Variants in DAB1 observed in about 807,000 individuals in gnomAD.
DAB1 encodes disabled homolog 1.
DAB1 carries 15 observed loss-of-function variants against 64.6 expected under a neutral mutation model. The ratio of observed to expected loss-of-function variants is 0.23; its 90% confidence interval spans 0.16 to 0.36. The LOEUF (loss-of-function observed/expected upper bound fraction) is 0.36, where lower values mean the gene tolerates loss of function less well. Among genes scored for constraint, DAB1 ranks in the 10% least tolerant of loss-of-function variants. The pLI is 1.00. For missense variants in DAB1, 596 were observed against 706.7 expected (o/e 0.84, Z 1.78); for synonymous variants, 235 against 251.9 (o/e 0.93, Z 0.64).
intron 1 of DAB1, among the ~76,000 whole-genome samples, chr1:57,852,342 T>C (rs962393242): frequency 2.6e-5 from 4 of 152,212 alleles, no homozygotes; most frequent in African/African-American, 4.8e-5. Context: ...TTTACATGAC[T>C]GTCTATTCTT....
intron 4 of DAB1, among the ~76,000 whole-genome samples, chr1:58,187,131 T>C (rs1004787020): frequency 1.3e-5 from 2 of 152,150 alleles, no homozygotes; most frequent in East Asian, 1.9e-4. Context: ...GTCCCAAACA[T>C]AGTCAGTGAT....
chr1:57,168,188 A>T (rs1486138972), intron 2 of DAB1, among the ~76,000 whole-genome samples: 4 of 152,346 alleles, frequency 2.6e-5, no homozygotes, highest in East Asian at 3.9e-4. Context: ...GTGTATTCTT[A>T]CGTCATTCCA....
chr1:58,261,710 TTTTG>T (rs2100417930), intron 4 of DAB1, among the ~76,000 whole-genome samples: 1 of 137,958 alleles, frequency 7.2e-6, no homozygotes, highest in Admixed American at 7.0e-5. Context: ...CAATTTGTTT[TTTTG>T]TTTTTGTTTT....
Position 58,527,346 on chromosome 1 carries a change from A to G in DAB1, n.33-11T>C. On this transcript the variant is annotated splice_polypyrimidine_tract_variant and intron_variant and non_coding_transcript_variant, in intron 1 of 20. Coordinates refer to the DAB1 transcript ENST00000485760. ...TCTATTAAACATATACTAAGAAGAA[A>G]TGACAGAAAAGCTCCATTAAGACAA... is the stretch of plus-strand genomic sequence containing the variant. 3.4e-6 allele frequency: 3 copies of G among 870,928 alleles called. No individual in the cohort carries two copies. In the South Asian group the frequency reaches 3.9e-5, roughly 11 times the overall value. 54.0% of individuals were successfully genotyped at this position (870,928 alleles called of 1,614,324 possible).
Position 58,239,665 on chromosome 1 carries a change from C to G in DAB1, n.310-89077G>C, listed in dbSNP as rs1052679594. Among the ~76,000 whole-genome samples, 10 of 152,238 alleles carry G rather than the reference C, an allele frequency of 6.6e-5. No individual in the cohort carries two copies. The South Asian group carries it at 1.9e-3, about 28-fold the overall frequency. ...AGGTCATAATCTCAAACCTTCAGCTCGCTTATATTATTTGCAGGGGGCTGA... is the reference window on the plus strand; with the variant it reads ...AGGTCATAATCTCAAACCTTCAGCTGGCTTATATTATTTGCAGGGGGCTGA... On this transcript the variant is annotated intron_variant and non_coding_transcript_variant, in intron 4 of 20. Transcript: ENST00000485760.
intron 6 of DAB1, among the ~76,000 whole-genome samples, chr1:57,717,721 T>C (rs888639940): frequency 5.9e-5 from 9 of 152,084 alleles, no homozygotes; most frequent in African/African-American, 2.2e-4. Context: ...TATATAAATA[T>C]ACATATTTAT....
chr1:58,408,057 TC>T (rs1644633773), intron 3 of DAB1, among the ~76,000 whole-genome samples: 1 of 152,146 alleles, frequency 6.6e-6, no homozygotes, highest in African/African-American at 2.4e-5. Context: ...ACCAGCAGCC[TC>T]AGCATCGCCT....
intron 5 of DAB1, among the ~76,000 whole-genome samples, chr1:58,103,817 A>C (rs1159026765): frequency 6.6e-6 from 1 of 152,086 alleles, no homozygotes. Flanking sequence ...TCCTTGGGCC[A>C]GTCTTTTTGT....
intron 1 of DAB1, among the ~76,000 whole-genome samples, chr1:57,326,459 T>C (rs2100781407): frequency 6.6e-6 from 1 of 152,276 alleles, no homozygotes; most frequent in Admixed American, 6.5e-5. Context: ...AAACACCCTC[T>C]CCACTGCAGG....
At chr1:58,228,062 A>G (rs1659582702) in intron 4 of DAB1, among the ~76,000 whole-genome samples, 1 of 152,342 alleles carries the variant, frequency 6.6e-6, no homozygotes, top group African/African-American at 2.4e-5. Flanking sequence ...GACTTGGTCC[A>G]TTATCTGGGA....
At chr1:57,006,973 G>A (rs1318421503) in intron 14 of DAB1, among the ~76,000 whole-genome samples, 1 of 152,064 alleles carries the variant, frequency 6.6e-6, no homozygotes, top group South Asian at 2.1e-4. Context: ...CTGACTCTGT[G>A]TTTTGTTTCT....
intron 5 of DAB1, among the ~76,000 whole-genome samples, chr1:57,891,608 C>T (rs1048009377): frequency 2.0e-5 from 3 of 152,134 alleles, no homozygotes; most frequent in Admixed American, 6.5e-5. Context: ...GGAACCAACC[C>T]AAATGCCCAT....
At chr1:58,363,202 A>G (rs1046792587) in intron 3 of DAB1, among the ~76,000 whole-genome samples, 5 of 152,212 alleles carry the variant, frequency 3.3e-5, no homozygotes, top group Admixed American at 3.3e-4. Flanking sequence ...TTGGGAGCAC[A>G]GTTTAACCCA....
chr1:57,311,083 T>C (rs933575018), intron 1 of DAB1, among the ~76,000 whole-genome samples: 1 of 152,138 alleles, frequency 6.6e-6, no homozygotes, highest in South Asian at 2.1e-4. Context: ...AAAATGTCTT[T>C]GTGACCCCAA....
At chr1:57,886,188 C>T (rs978584243), upstream of DAB1, among the ~76,000 whole-genome samples, 2 of 135,422 alleles carry the variant, frequency 1.5e-5, no homozygotes, top group African/African-American at 2.8e-5. Context: ...TTTTTTGAGA[C>T]GAAGTCTCCC....
chr1:57,126,884 C>T (rs1261592496), intron 4 of DAB1, among the ~76,000 whole-genome samples: 1 of 152,196 alleles, frequency 6.6e-6, no homozygotes, highest in Non-Finnish European at 1.5e-5. Context: ...ACTCTCCCCA[C>T]TAAAAGACGA....
intron 7 of DAB1, among the ~76,000 whole-genome samples, chr1:57,448,067 G>A (rs928022121): frequency 3.3e-5 from 5 of 152,130 alleles, no homozygotes; most frequent in Non-Finnish European, 5.9e-5. Flanking sequence ...CTGTATTTAC[G>A]ATTGCTTCTG....
intron 6 of DAB1, among the ~76,000 whole-genome samples, chr1:57,798,308 C>G (rs963195396): frequency 1.3e-5 from 2 of 152,164 alleles, no homozygotes; most frequent in Non-Finnish European, 2.9e-5. Context: ...TAAGGGCAAA[C>G]CTGAGTGGGG....
chr1:58,047,485 G>T (rs1282158930), intron 5 of DAB1, among the ~76,000 whole-genome samples: 2 of 152,166 alleles, frequency 1.3e-5, no homozygotes, highest in Non-Finnish European at 2.9e-5. Context: ...CAAATGAGGG[G>T]TGTGGGTGCA....
Sources: gnomAD v4.1 joint callset for allele counts (sites outside exome capture counted in the v4.1 genomes callset) on GRCh38, gnomAD v4.1.1 for gene constraint, MANE v1.5 for transcripts, NCBI Gene and HGNC (gene_info 2026-07-23, HGNC 2026-07-21) for gene names.